Variants in VRK3 observed in about 807,000 individuals in gnomAD.
The protein encoded by VRK3 is VRK serine/threonine kinase 3.
In VRK3, 50 loss-of-function variants were observed where a neutral mutation model predicts 60.4. The observed-to-expected ratio is 0.83, with a 90% confidence interval of 0.66 to 1.05. The LOEUF is 1.05. VRK3 is among the 50% of genes least tolerant of loss of function. VRK3 has a pLI of 0.00. For synonymous variants in VRK3, 246 were observed against 227.8 expected (o/e 1.08, Z -0.72); for missense variants, 549 against 585.3 (o/e 0.94, Z 0.64).
At chr19:49,977,469 G>A (rs73933923) in intron 14 of VRK3, among the ~76,000 whole-genome samples, 8,110 of 152,110 alleles carry the variant, frequency 0.053, 713 homozygotes, top group African/African-American at 0.19. Context: ...TGCCCTGGGT[G>A]AGGAAGGCAC....
intron 12 of VRK3, among the ~76,000 whole-genome samples, chr19:49,983,330 G>A (rs1183757451): frequency 6.6e-6 from 1 of 152,196 alleles, no homozygotes; most frequent in East Asian, 1.9e-4. Context: ...CTGGCAGGTG[G>A]CTGTTCTCCC....
At chr19:49,977,318 G>T (rs1013761643) in intron 14 of VRK3, among the ~76,000 whole-genome samples, 6 of 152,140 alleles carry the variant, frequency 3.9e-5, no homozygotes, top group African/African-American at 7.2e-5. Context: ...CAAGGTGCTC[G>T]AAGATCACTG....
chr19:49,981,119 C>T (rs2076415149), intron 12 of VRK3, 106 bp from the exon 13 acceptor site: 6 of 1,017,582 alleles, frequency 5.9e-6, no homozygotes, highest in East Asian at 5.2e-5. Context: ...ATACACAGTC[C>T]CCTCTGCCAT....
At chr19:50,011,863 A>C (rs1374944855) in intron 3 of VRK3, among the ~76,000 whole-genome samples, 1 of 152,014 alleles carries the variant, frequency 6.6e-6, no homozygotes, top group African/African-American at 2.4e-5. Flanking sequence ...CCCCAGGTGG[A>C]AATGTTCCTC....
At chr19:49,992,531 G>A (rs886110656) in intron 10 of VRK3, among the ~76,000 whole-genome samples, 2 of 152,198 alleles carry the variant, frequency 1.3e-5, no homozygotes, top group African/African-American at 4.8e-5. Context: ...ATCCTTATCA[G>A]CAATGAATAT....
In VRK3 at chr19:49,988,470, G is replaced by A; in HGVS notation, c.1119C>T (p.Leu373=). The A allele has an allele frequency of 1.2e-6, 2 of 1,613,542 alleles. No individual in the cohort carries two copies. The highest frequency in any genetic ancestry group is 1.7e-6 in the Non-Finnish European group (2 of 1,179,668). ...TCAGCATGCAGTAGCCCAGGCTCTG[G>A]AGGTCGCTGCGGCGGGAGGGCCCTG... ...KGCGPSRRSD[L]QSLGYCMLKW... The change falls in exon 12 of 15, where the codon CTC becomes CTT. Residue 373 remains leucine (L), a synonymous_variant. Coordinates refer to ENST00000316763, the MANE Select transcript of VRK3 (RefSeq NM_016440.4).
intron 1 of VRK3, chr19:50,024,777 G>A (rs2077236952): frequency 6.6e-6 from 1 of 152,188 alleles, no homozygotes. Context: ...CCAACCCTCA[G>A]GCCAGTCTTT....
Position 49,997,506 on chromosome 19 carries a change from T to G in VRK3, c.677A>C (p.Gln226Pro). The G allele has an allele frequency of 6.2e-7, 1 of 1,613,872 alleles. No individual in the cohort carries two copies. Among genetic ancestry groups the G allele is most frequent in the Non-Finnish European group, 8.5e-7 (1 of 1,179,874 alleles). ...TTGCCCAGTTCCCTGTCAGGTACCT[T>G]GCAGAGGCTTGGCGGCCCGCTGGAA... ...NFFQRAAKPL[Q>P]VNKWKKLYST... is the part of the protein sequence containing the mutation. The change falls in exon 7 of 15, where the codon CAA (glutamine) becomes CCA (proline). Residue 226 changes from glutamine to proline, a missense_variant and splice_region_variant. Physicochemically the swap from Gln to Pro is moderately conservative, Grantham distance 76. Coordinates refer to ENST00000316763, the MANE Select transcript of VRK3 (RefSeq NM_016440.4).
At chr19:50,003,383 C>T (rs2076841159) in intron 5 of VRK3, among the ~76,000 whole-genome samples, 1 of 152,232 alleles carries the variant, frequency 6.6e-6, no homozygotes, top group Admixed American at 6.5e-5. Flanking sequence ...CTAACACAAG[C>T]CCCACCTTTC....
intron 10 of VRK3, 88 bp downstream of exon 10, chr19:49,992,772 A>G: frequency 1.6e-6 from 2 of 1,259,048 alleles, no homozygotes; most frequent in Non-Finnish European, 2.3e-6. Flanking sequence ...TTTGTCTGTA[A>G]TAAGCACTAT....
At position 50,000,972 on chromosome 19, in the gene VRK3, C is replaced by T. The variant is rs142337369; in HGVS notation, c.548-118G>A. On this transcript the variant is annotated intron_variant, in intron 5 of 14. Transcript: ENST00000316763. ...GTGCCCTGGTTCCAACAAGGTCAAG[C>T]GCACTCTTGGCTCTCACGACTTGCT... The T allele has an allele frequency of 2.7e-4, 240 of 902,792 alleles. No individual in the cohort carries two copies. The African/African-American group carries it at 3.9e-3, about 15-fold the overall frequency. 55.9% of individuals were successfully genotyped at this position (902,792 alleles called of 1,614,324 possible).
chr19:49,993,006 G>T, intron 9 of VRK3, 54 bp from the exon 10 acceptor site: 1 of 1,506,608 alleles, frequency 6.6e-7, no homozygotes, highest in South Asian at 1.1e-5. Flanking sequence ...AACACAGAGA[G>T]GCTATGGTGC....
intron 14 of VRK3, chr19:49,978,648 A>G (rs1394998504): frequency 6.2e-6 from 1 of 161,308 alleles, no homozygotes; most frequent in Non-Finnish European, 1.4e-5. Flanking sequence ...GGCATGGAGC[A>G]GCTACCTTTT....
At position 49,980,936 on chromosome 19, in the gene VRK3, C is replaced by T. The variant is rs117936093; in HGVS notation, c.1276+19G>A. 4.4e-3 allele frequency: 7,068 copies of T among 1,603,826 alleles called. 22 individuals carry two copies. The highest frequency in any genetic ancestry group is 5.3e-3 in the Admixed American group (311 of 58,960). ...TCCTGCCCGAGTCCCCGCCTGTTCC[C>T]GCTCCCTTCAGGACGTACCTGAGGG... On this transcript the variant is annotated intron_variant, in intron 13 of 14. Transcript: ENST00000316763.
At chr19:50,021,160 C>T (rs889140976) in intron 1 of VRK3, among the ~76,000 whole-genome samples, 3 of 152,186 alleles carry the variant, frequency 2.0e-5, no homozygotes, top group Admixed American at 6.5e-5. Context: ...CAGCCCAGGA[C>T]GCAGGTTCCA....
rs112292605 is a variant in VRK3 at position 49,996,215 on chromosome 19, C to T, written c.680-940G>A. On this transcript the variant is annotated intron_variant, in intron 7 of 14. Transcript: ENST00000316763. ...GATTACAGGCATCAGCCACCACGCC[C>T]GGCCTTTTTTTTTTGTATTTTCAAT... 8.7e-3 allele frequency among the ~76,000 whole-genome samples: 1,306 copies of T among 149,778 alleles called. 8 individuals carry two copies. Among genetic ancestry groups the T allele is most frequent in the South Asian group, 0.016 (76 of 4,804 alleles).
intron 3 of VRK3, chr19:50,015,649 A>G (rs1161152808): frequency 9.6e-6 from 2 of 208,856 alleles, no homozygotes; most frequent in African/African-American, 2.2e-5. Flanking sequence ...ACCAGTAAGT[A>G]TAATGCAAAT....
In VRK3 at chr19:49,981,681, T is replaced by C. The variant is rs75649808; in HGVS notation, c.1218-668A>G. ...GATCCTTAAGACGGAGAGGATCCCT[T>C]TGATGATGAGGAAAGATCCAAGATG... On this transcript the variant is annotated intron_variant, in intron 12 of 14. Coordinates refer to ENST00000316763, the MANE Select transcript of VRK3 (RefSeq NM_016440.4). The C allele has an allele frequency of 4.7e-3, 4,716 of 995,632 alleles. 204 individuals are homozygous for C. In the East Asian group the frequency reaches 0.11, roughly 22 times the overall value. The allele number at this position is 995,632 out of a possible 1,614,324, so 61.7% of individuals were successfully genotyped here.
chr19:50,023,849 A>T (rs2077213127), intron 1 of VRK3, among the ~76,000 whole-genome samples: 1 of 152,352 alleles, frequency 6.6e-6, no homozygotes, highest in South Asian at 2.1e-4. Flanking sequence ...ATGGTCCCTA[A>T]AAAAGACGTG....
Sources: allele counts gnomAD v4.1 joint callset (sites outside exome capture counted in the v4.1 genomes callset), GRCh38; gene constraint gnomAD v4.1.1; transcripts MANE v1.5; gene names NCBI Gene and HGNC (gene_info 2026-07-23, HGNC 2026-07-21).